Variants in SNTG2 observed in about 807,000 individuals in gnomAD.
SNTG2 encodes the protein gamma-2-syntrophin.
Under a neutral mutation model 70.9 loss-of-function variants are expected in SNTG2, and 74 were observed. That is an observed-to-expected ratio of 1.04 (90% confidence interval 0.86 to 1.27). The LOEUF (loss-of-function observed/expected upper bound fraction) is 1.27. Among genes scored for constraint, SNTG2 ranks in the 50% most tolerant of loss-of-function variants. The pLI is 0.00. For synonymous variants in SNTG2, 278 were observed against 273.8 expected, an observed-to-expected ratio of 1.02 and a Z score of -0.15; for missense variants, 717 against 690.7, an observed-to-expected ratio of 1.04 and a Z score of -0.43.
chr2:965,482 C>T (rs1214997798), intron 1 of SNTG2, among the ~76,000 whole-genome samples: 3 of 151,446 alleles, frequency 2.0e-5, no homozygotes, highest in Admixed American at 6.6e-5. Context: ...TGACTTGGTC[C>T]TCCTCCTTGA....
At chr2:1,276,690 T>C (rs114639582) in intron 14 of SNTG2, among the ~76,000 whole-genome samples, 2 of 152,234 alleles carry the variant, frequency 1.3e-5, no homozygotes, top group Non-Finnish European at 2.9e-5. Context: ...GGACTAATTT[T>C]GACTGTCGAG....
chr2:1,349,105 G>T (rs1166358138), intron 16 of SNTG2, among the ~76,000 whole-genome samples: 1 of 152,182 alleles, frequency 6.6e-6, no homozygotes, highest in Non-Finnish European at 1.5e-5. Flanking sequence ...TCCGGCAAGG[G>T]GTTAGACAAT....
At chr2:1,336,019 A>C (rs1659799375) in intron 16 of SNTG2, among the ~76,000 whole-genome samples, 1 of 152,200 alleles carries the variant, frequency 6.6e-6, no homozygotes, top group African/African-American at 2.4e-5. Context: ...ATTATGGTCT[A>C]TATTTTGGAA....
In SNTG2 at chr2:964,533, A is replaced by G. The variant is rs142834707; in HGVS notation, c.72+13465A>G. Among the ~76,000 whole-genome samples, 426 of 152,324 alleles carry G rather than the reference A, an allele frequency of 2.8e-3. 5 individuals are homozygous for G. The highest frequency in any genetic ancestry group is 9.1e-3 in the African/African-American group (377 of 41,570). ...GAAATGTGTTAGGGAGGTTCCCAGC[A>G]TCACCCCATGAGAAGGATGGGAGGA... On this transcript the variant is annotated intron_variant, in intron 1 of 16. Transcript: ENST00000308624.
At chr2:996,798 C>T (rs545118337) in intron 1 of SNTG2, among the ~76,000 whole-genome samples, 1 of 148,916 alleles carries the variant, frequency 6.7e-6, no homozygotes, top group East Asian at 2.0e-4. Context: ...GAGGGTTGCT[C>T]TGTAGCAGTG....
chr2:1,093,747 G>A (rs185231037), intron 2 of SNTG2, among the ~76,000 whole-genome samples: 1 of 152,352 alleles, frequency 6.6e-6, no homozygotes, highest in East Asian at 1.9e-4. Context: ...GCTTTCCACA[G>A]TGATCTTCCT....
At chr2:1,134,070 G>A (rs892266865) in intron 4 of SNTG2, among the ~76,000 whole-genome samples, 1 of 151,852 alleles carries the variant, frequency 6.6e-6, no homozygotes, top group Admixed American at 6.6e-5. Flanking sequence ...CTCTTAAGGC[G>A]GTGCGTCTGG....
intron 1 of SNTG2, among the ~76,000 whole-genome samples, chr2:1,001,475 G>A (rs899310248): frequency 4.6e-5 from 7 of 151,830 alleles, no homozygotes; most frequent in Non-Finnish European, 8.8e-5. Flanking sequence ...CAACAATAAT[G>A]ATCAAGCTGA....
At chr2:1,074,710 T>TTGCCTAGG (rs1425204280) in intron 1 of SNTG2, among the ~76,000 whole-genome samples, 1 of 152,198 alleles carries the variant, frequency 6.6e-6, no homozygotes, top group Non-Finnish European at 1.5e-5. Flanking sequence ...CTGGAAATGT[T>TTGCCTAGG]TGCCTAGGAG....
chr2:1,037,902 G>C (rs1019115703), intron 1 of SNTG2, among the ~76,000 whole-genome samples: 1 of 152,136 alleles, frequency 6.6e-6, no homozygotes, highest in East Asian at 1.9e-4. Flanking sequence ...GGCTGTGGAC[G>C]GTGGTGTTCA....
intron 1 of SNTG2, among the ~76,000 whole-genome samples, chr2:1,056,365 A>C (rs1572322094): frequency 2.2e-5 from 1 of 46,072 alleles, no homozygotes; most frequent in Admixed American, 2.0e-4. Context: ...CGCTGTGGGG[A>C]GGGAGGGAGA....
intron 8 of SNTG2, among the ~76,000 whole-genome samples, 190 bp from the exon 9 acceptor site, chr2:1,208,913 G>A (rs552081875): frequency 1.3e-5 from 2 of 152,264 alleles, no homozygotes; most frequent in Admixed American, 1.3e-4. Context: ...AACAGCGGGA[G>A]AAAATGTCTT....
At chr2:1,181,130 A>G (rs890290160) in intron 8 of SNTG2, among the ~76,000 whole-genome samples, 1 of 152,150 alleles carries the variant, frequency 6.6e-6, no homozygotes, top group Non-Finnish European at 1.5e-5. Flanking sequence ...TGACAAGTTA[A>G]TGGGTGCAGC....
At position 1,032,897 on chromosome 2, in the gene SNTG2, G is replaced by A. The variant is rs184734714; in HGVS notation, c.73-50621G>A. On this transcript the variant is annotated intron_variant, in intron 1 of 16. Transcript: ENST00000308624. ...TGGCTCACAGTTCTACAGGTTGTGCGAGCATGGCACTGACATCTGCCTAGA... is the reference window on the plus strand; with the variant it reads ...TGGCTCACAGTTCTACAGGTTGTGCAAGCATGGCACTGACATCTGCCTAGA... Among the ~76,000 whole-genome samples the A allele has an allele frequency of 4.5e-4, 68 of 152,268 alleles. 1 individual carries two copies. The highest frequency in any genetic ancestry group is 3.4e-3 in the Middle Eastern group (1 of 294).
intron 7 of SNTG2, among the ~76,000 whole-genome samples, chr2:1,167,009 C>T (rs1371875332): frequency 6.6e-6 from 1 of 152,206 alleles, no homozygotes; most frequent in Non-Finnish European, 1.5e-5. Context: ...AAACCTTGTG[C>T]CAACCCTCCA....
chr2:1,314,943 A>G (rs913001694), intron 15 of SNTG2, among the ~76,000 whole-genome samples: 1 of 152,070 alleles, frequency 6.6e-6, no homozygotes, highest in Non-Finnish European at 1.5e-5. Flanking sequence ...TGATTCAGTT[A>G]CCTCCCACCA....
intron 16 of SNTG2, among the ~76,000 whole-genome samples, chr2:1,365,712 T>C (rs1661441579): frequency 6.6e-6 from 1 of 152,228 alleles, no homozygotes; most frequent in Admixed American, 6.5e-5. Context: ...CACTGGGCTC[T>C]GGCTGGTCCA....
intron 1 of SNTG2, among the ~76,000 whole-genome samples, chr2:1,030,694 T>C (rs1395697031): frequency 6.6e-6 from 1 of 152,216 alleles, no homozygotes; most frequent in Non-Finnish European, 1.5e-5. Context: ...TCTACAATTA[T>C]TTCAAAATAA....
In SNTG2 at chr2:1,098,247, A is replaced by G; in HGVS notation, c.262A>G (p.Ile88Val). ...RQPVGGLGLS[I>V]KGGSEHNVPV... Reference sequence around the variant, plus strand: ...GCCAGTTGGCGGCTTGGGCCTGAGTATAAAGGTATGGAAATGGTTTTCTCT... The same window carrying G: ...GCCAGTTGGCGGCTTGGGCCTGAGTGTAAAGGTATGGAAATGGTTTTCTCT... The change falls in exon 3 of 17, where the codon ATA becomes GTA. Residue 88 changes from isoleucine to valine, a missense_variant. Coordinates refer to ENST00000308624, the MANE Select transcript of SNTG2 (RefSeq NM_018968.4). The G allele has an allele frequency of 6.2e-7, 1 of 1,614,058 alleles. No individual in the cohort carries two copies. Among genetic ancestry groups the G allele is most frequent in the Non-Finnish European group, 8.5e-7 (1 of 1,179,900 alleles).
Sources: gnomAD v4.1 joint callset for allele counts (sites outside exome capture counted in the v4.1 genomes callset) on GRCh38, gnomAD v4.1.1 for gene constraint, MANE v1.5 for transcripts, NCBI Gene and HGNC (gene_info 2026-07-23, HGNC 2026-07-21) for gene names.